QSER1: variants seen among roughly 807,000 people sequenced by gnomAD.
The protein encoded by QSER1 is glutamine and serine-rich protein 1.
QSER1 carries 49 observed loss-of-function variants against 158.5 expected under a neutral mutation model. The observed-to-expected ratio is 0.31, with a 90% CI of 0.25 to 0.39. The LOEUF is 0.39. Ranked by LOEUF, QSER1 falls within the 10% of genes least tolerant of loss-of-function variation. The pLI, the probability that QSER1 is intolerant of heterozygous loss-of-function variation, is 1.00. For synonymous variants in QSER1, 650 were observed against 715.5 expected (o/e 0.91, Z 1.46); for missense variants, 1,754 against 2,010.3 (o/e 0.87, Z 2.44).
At chr11:32,919,962 C>T (rs1197158929) in intron 1 of QSER1, among the ~76,000 whole-genome samples, 1 of 152,162 alleles carries the variant, frequency 6.6e-6, no homozygotes, top group Non-Finnish European at 1.5e-5. Flanking sequence ...CCCTCCCTTT[C>T]TGCCCCCTTT....
intron 1 of QSER1, among the ~76,000 whole-genome samples, chr11:32,897,570 T>C (rs142068999): frequency 1.2e-4 from 19 of 152,374 alleles, no homozygotes; most frequent in African/African-American, 4.6e-4. Flanking sequence ...TGTTTACTCC[T>C]CTTCTGTCTA....
intron 4 of QSER1, among the ~76,000 whole-genome samples, chr11:32,947,366 A>C (rs1228263581): frequency 1.3e-5 from 2 of 152,160 alleles, no homozygotes; most frequent in African/African-American, 2.4e-5. Flanking sequence ...ATTTTTATAG[A>C]TATTCCACTT....
At chr11:32,946,082 C>T (rs1852326417) in intron 4 of QSER1, among the ~76,000 whole-genome samples, 1 of 152,136 alleles carries the variant, frequency 6.6e-6, no homozygotes, top group African/African-American at 2.4e-5. Flanking sequence ...TGGTTTTCAG[C>T]TCCGTCAGCT....
chr11:32,895,632 G>A (rs1178918847), intron 1 of QSER1, among the ~76,000 whole-genome samples: 1 of 152,174 alleles, frequency 6.6e-6, no homozygotes, highest in African/African-American at 2.4e-5. Flanking sequence ...ATGAGTACTA[G>A]TTGTGATGAT....
At chr11:32,899,021 C>T (rs1306468197) in intron 1 of QSER1, among the ~76,000 whole-genome samples, 1 of 152,230 alleles carries the variant, frequency 6.6e-6, no homozygotes, top group Non-Finnish European at 1.5e-5. Context: ...TCAACCCTCA[C>T]TCCTTGTTGC....
intron 4 of QSER1, among the ~76,000 whole-genome samples, chr11:32,943,141 A>G (rs966466923): frequency 2.0e-5 from 3 of 151,990 alleles, no homozygotes; most frequent in Non-Finnish European, 2.9e-5. Flanking sequence ...GGGCTGAGAC[A>G]ATGGGGTTTT....
At chr11:32,918,438 G>T (rs1851862689) in intron 1 of QSER1, among the ~76,000 whole-genome samples, 1 of 151,726 alleles carries the variant, frequency 6.6e-6, no homozygotes, top group African/African-American at 2.4e-5. Context: ...CTTGAGAGGT[G>T]AAATTTAAGC....
chr11:32,970,946 C>CCT (rs1554932965), intron 10 of QSER1, among the ~76,000 whole-genome samples: 1 of 76,870 alleles, frequency 1.3e-5, no homozygotes, highest in South Asian at 6.0e-4. Flanking sequence ...AAGCAATTTG[C>CCT]TTTTTTTTTT....
At chr11:32,909,879 G>C (rs1290366092) in intron 1 of QSER1, among the ~76,000 whole-genome samples, 1 of 152,066 alleles carries the variant, frequency 6.6e-6, no homozygotes, top group African/African-American at 2.4e-5. Context: ...CCTTGGTATC[G>C]ATTTTAGTTC....
intron 8 of QSER1, among the ~76,000 whole-genome samples, chr11:32,961,639 G>A (rs1456682840): frequency 1.3e-5 from 2 of 151,936 alleles, no homozygotes; most frequent in Non-Finnish European, 2.9e-5. Context: ...TTTTTCTCTA[G>A]CTACTGGTAA....
At chr11:32,896,406 G>A (rs1200339221) in intron 1 of QSER1, among the ~76,000 whole-genome samples, 2 of 152,146 alleles carry the variant, frequency 1.3e-5, no homozygotes, top group Non-Finnish European at 2.9e-5. Flanking sequence ...CCAGGCTGGA[G>A]TGCAACGGCG....
chr11:32,901,671 T>C (rs967048099), intron 1 of QSER1, among the ~76,000 whole-genome samples: 1 of 152,184 alleles, frequency 6.6e-6, no homozygotes, highest in Admixed American at 6.5e-5. Flanking sequence ...GGAGGGAAAC[T>C]ACACAAAGGT....
chr11:32,932,952 C>T lies in QSER1; in HGVS notation c.1694C>T (p.Pro565Leu). Reference sequence around the variant, plus strand: ...TCTGGTCACTCTCAGGGTTTATCACCAGTTAGCCAGACACAGGTTAGCTAT... The same window carrying T: ...TCTGGTCACTCTCAGGGTTTATCACTAGTTAGCCAGACACAGGTTAGCTAT... ...YSSGHSQGLS[P>L]VSQTQVSYSS... Residue 565 changes from proline to leucine, a missense_variant, in exon 4 of 13, where the codon CCA becomes CTA. Around this residue, in one of 2 missense-constraint regions of QSER1, gnomAD observed 1,707 missense variants for 1,919.6 expected, o/e 0.89. Transcript: ENST00000650167. 6.2e-7 allele frequency: 1 copy of T among 1,613,342 alleles called. No homozygotes were observed. The highest frequency in any genetic ancestry group is 8.5e-7 in the Non-Finnish European group (1 of 1,179,960).
At chr11:32,917,768 G>T (rs1309259527) in intron 1 of QSER1, among the ~76,000 whole-genome samples, 1 of 140,252 alleles carries the variant, frequency 7.1e-6, no homozygotes, top group Non-Finnish European at 1.5e-5. Flanking sequence ...GTTGCAGTGA[G>T]CTGAGATCGT....
chr11:32,945,789 G>A (rs1363023047), intron 4 of QSER1, among the ~76,000 whole-genome samples: 1 of 151,964 alleles, frequency 6.6e-6, no homozygotes, highest in Admixed American at 6.6e-5. Flanking sequence ...GGCCTGCCTT[G>A]CTAGATTGGG....
At position 32,921,392 on chromosome 11, in the gene QSER1, G is replaced by A. The variant is rs533833323; in HGVS notation, c.210-5765G>A. On this transcript the variant is annotated intron_variant, in intron 1 of 12. Transcript: ENST00000650167. ...TCATGGATACACGTTTATTTGGGGG[G>A]GATGATCAAAATATTCTAAAATTAG... Among the ~76,000 whole-genome samples the A allele has an allele frequency of 3.3e-5, 5 of 152,222 alleles. No homozygotes were observed. In the South Asian group the frequency reaches 1.0e-3, roughly 32 times the overall value.
intron 1 of QSER1, chr11:32,926,194 A>G (rs180674258): frequency 2.6e-5 from 4 of 151,888 alleles, no homozygotes; most frequent in African/African-American, 9.7e-5. Context: ...CACTGATACT[A>G]AGTTAGAGAA....
chr11:32,913,347 T>C (rs1851794287), intron 1 of QSER1, among the ~76,000 whole-genome samples: 1 of 151,908 alleles, frequency 6.6e-6, no homozygotes. Context: ...CGCGCCACCA[T>C]GCCCAGCTAA....
chr11:32,915,171 G>A (rs926390681), intron 1 of QSER1, among the ~76,000 whole-genome samples: 1 of 152,144 alleles, frequency 6.6e-6, no homozygotes, highest in Non-Finnish European at 1.5e-5. Context: ...GCCTCCCAAA[G>A]TGCTGGGATT....
Sources: gnomAD v4.1 joint callset for allele counts (sites outside exome capture counted in the v4.1 genomes callset) on GRCh38, gnomAD v4.1.1 for gene constraint, gnomAD v4.1.1 regional missense constraint, MANE v1.5 for transcripts, NCBI Gene and HGNC (gene_info 2026-07-23, HGNC 2026-07-21) for gene names.